RALYL: variants seen among roughly 807,000 people sequenced by gnomAD.
RALYL encodes the protein RALY RNA binding protein like.
RALYL carries 29 observed loss-of-function variants against 35.1 expected under a neutral mutation model. The observed-to-expected ratio is 0.83, with a 90% CI of 0.61 to 1.13. The LOEUF is 1.13. RALYL is among the 50% of genes most tolerant of loss of function. The pLI is 0.00. For synonymous variants in RALYL, 120 were observed against 127.6 expected, an observed-to-expected ratio of 0.94 and a Z score of 0.40; for missense variants, 359 against 360.4, an observed-to-expected ratio of 1.00 and a Z score of 0.03.
At chr8:84,711,479 A>G (rs1842175906) in intron 2 of RALYL, among the ~76,000 whole-genome samples, 1 of 152,218 alleles carries the variant, frequency 6.6e-6, no homozygotes, top group Non-Finnish European at 1.5e-5. Context: ...TTTGACCAGG[A>G]ATATTTTCTG....
chr8:84,242,467 A>G (rs1200104721), intron 1 of RALYL, among the ~76,000 whole-genome samples: 2 of 152,234 alleles, frequency 1.3e-5, no homozygotes, highest in East Asian at 1.9e-4. Context: ...CCAACAGTGT[A>G]AAAGCATTCC....
At chr8:84,548,220 C>T (rs775892907) in intron 2 of RALYL, among the ~76,000 whole-genome samples, 3 of 151,556 alleles carry the variant, frequency 2.0e-5, no homozygotes, top group African/African-American at 7.3e-5. Flanking sequence ...CTTTCCATCT[C>T]GTATTTTTCT....
intron 3 of RALYL, among the ~76,000 whole-genome samples, chr8:84,787,162 C>A (rs554911353): frequency 5.1e-4 from 77 of 151,924 alleles, no homozygotes; most frequent in African/African-American, 1.4e-3. Context: ...CTCCCCTAGC[C>A]CCCCACCCCC....
At chr8:84,248,139 A>G (rs1314271912) in intron 1 of RALYL, among the ~76,000 whole-genome samples, 1 of 152,102 alleles carries the variant, frequency 6.6e-6, no homozygotes, top group Non-Finnish European at 1.5e-5. Context: ...AGGAAAAAAT[A>G]GGAGGATTAC....
chr8:84,554,549 T>C (rs2060963003), intron 2 of RALYL, among the ~76,000 whole-genome samples: 1 of 152,182 alleles, frequency 6.6e-6, no homozygotes, highest in Admixed American at 6.5e-5. Flanking sequence ...TCACCAAATG[T>C]CAAAGAGATG....
chr8:84,579,180 G>C (rs997101563), intron 2 of RALYL, among the ~76,000 whole-genome samples: 7 of 152,182 alleles, frequency 4.6e-5, no homozygotes, highest in African/African-American at 1.7e-4. Context: ...AGGGGGCCAA[G>C]GCAGCAGGAG....
At chr8:84,571,436 T>A (rs2135788560) in intron 2 of RALYL, among the ~76,000 whole-genome samples, 1 of 151,966 alleles carries the variant, frequency 6.6e-6, no homozygotes, top group Non-Finnish European at 1.5e-5. Flanking sequence ...TGATCTTTTG[T>A]ATTTCTGTGA....
chr8:84,754,631 C>T (rs943015497), intron 2 of RALYL, among the ~76,000 whole-genome samples: 4 of 152,036 alleles, frequency 2.6e-5, no homozygotes, highest in African/African-American at 9.7e-5. Flanking sequence ...CAGTTGGGTA[C>T]CATTCTCTCC....
intron 2 of RALYL, among the ~76,000 whole-genome samples, chr8:84,754,773 A>G (rs1464672775): frequency 1.3e-5 from 2 of 152,192 alleles, no homozygotes; most frequent in African/African-American, 4.8e-5. Context: ...GATTACTGAT[A>G]GATGCCACCA....
chr8:84,687,771 G>A (rs1837132794), intron 2 of RALYL, among the ~76,000 whole-genome samples: 1 of 151,612 alleles, frequency 6.6e-6, no homozygotes, highest in Admixed American at 6.6e-5. Flanking sequence ...TTTTGTTTGG[G>A]GTATTCACTC....
At chr8:84,527,376 G>T (rs1052703732) in intron 1 of RALYL, among the ~76,000 whole-genome samples, 2 of 152,100 alleles carry the variant, frequency 1.3e-5, no homozygotes, top group East Asian at 3.9e-4. Context: ...GCAGACCACC[G>T]GGCTCTGTAA....
intron 2 of RALYL, among the ~76,000 whole-genome samples, chr8:84,650,110 G>A (rs1828408481): frequency 6.6e-6 from 1 of 152,042 alleles, no homozygotes; most frequent in Non-Finnish European, 1.5e-5. Flanking sequence ...AAGAGTGCTT[G>A]TGATTTTTGT....
At chr8:84,645,797 A>G (rs1827359088) in intron 2 of RALYL, among the ~76,000 whole-genome samples, 1 of 152,082 alleles carries the variant, frequency 6.6e-6, no homozygotes, top group Non-Finnish European at 1.5e-5. Context: ...CAGAATTTCT[A>G]AATTTCTTGA....
chr8:84,282,156 A>T (rs1176992681), intron 1 of RALYL, among the ~76,000 whole-genome samples: 1 of 151,720 alleles, frequency 6.6e-6, no homozygotes, highest in Non-Finnish European at 1.5e-5. Context: ...CTGTCCTGGG[A>T]ATTTTCTCTA....
intron 5 of RALYL, 86 bp from the exon 6 acceptor site, chr8:84,862,210 C>T: frequency 8.8e-7 from 1 of 1,131,452 alleles, no homozygotes; most frequent in Admixed American, 3.8e-5. Context: ...AAATTTTCTA[C>T]CAGGACATTC....
chr8:84,707,500 T>C (rs1442967968), intron 2 of RALYL, among the ~76,000 whole-genome samples: 2 of 152,118 alleles, frequency 1.3e-5, no homozygotes, highest in Admixed American at 6.6e-5. Flanking sequence ...TTATACTGAG[T>C]GTCTCCCCTT....
intron 4 of RALYL, among the ~76,000 whole-genome samples, chr8:84,814,253 T>TAGTTCATAG (rs141644257): frequency 0.031 from 4,751 of 152,174 alleles, 232 homozygotes; most frequent in African/African-American, 0.11. Context: ...AGCTTTAAAA[T>TAGTTCATAG]AATAAATCTC....
chr8:84,356,931 AT>A (rs1334262299), intron 1 of RALYL, among the ~76,000 whole-genome samples: 4,310 of 145,092 alleles, frequency 0.03, 225 homozygotes, highest in African/African-American at 0.049. Context: ...AATATATGGA[AT>A]CACAACAAAC....
chr8:84,770,398 G>C (rs1015893492), intron 2 of RALYL, among the ~76,000 whole-genome samples: 8 of 99,246 alleles, frequency 8.1e-5, no homozygotes, highest in Admixed American at 4.6e-4. Flanking sequence ...TGGCTGAGTA[G>C]TAGTCCATCA....
Sources: gnomAD v4.1 joint callset for allele counts (sites outside exome capture counted in the v4.1 genomes callset) on GRCh38, gnomAD v4.1.1 for gene constraint, MANE v1.5 for transcripts, NCBI Gene and HGNC (gene_info 2026-07-23, HGNC 2026-07-21) for gene names.